NPAS2: variants seen among roughly 807,000 people sequenced by gnomAD.
NPAS2 encodes the protein neuronal PAS domain protein 2, also known as neuronal PAS domain-containing protein 2.
In NPAS2, 23 loss-of-function variants were observed where a neutral mutation model predicts 107.5. That is an observed-to-expected ratio of 0.21 (90% CI 0.15 to 0.30). The LOEUF is 0.30. NPAS2 is among the 10% of genes least tolerant of loss of function. The probability of loss-of-function intolerance (pLI) is 1.00; values close to 1 mark genes in which losing one functional copy is unlikely to be tolerated. For missense variants in NPAS2, 756 were observed against 1,043.3 expected (o/e 0.72, Z 3.79); for synonymous variants, 403 against 417.5 (o/e 0.97, Z 0.42).
intron 1 of NPAS2, among the ~76,000 whole-genome samples, chr2:100,884,952 A>C (rs1680599588): frequency 7.7e-6 from 1 of 129,264 alleles, no homozygotes; most frequent in African/African-American, 2.8e-5. Context: ...ATATATATAT[A>C]ATTTTTTTTT....
chr2:100,841,201 G>A (rs991737622), intron 1 of NPAS2, among the ~76,000 whole-genome samples: 9 of 152,156 alleles, frequency 5.9e-5, no homozygotes, highest in African/African-American at 1.2e-4. Flanking sequence ...TTGGGAGGCC[G>A]AGGCAGGTGG....
chr2:100,964,278 A>ACAACTTCACTGC, intron 8 of NPAS2, 102 bp downstream of exon 8: 2 of 832,584 alleles, frequency 2.4e-6, no homozygotes, highest in Non-Finnish European at 4.1e-6. Context: ...AATTGCAGTG[A>ACAACTTCACTGC]AGTTGTCACT....
chr2:100,839,065 C>T lies in NPAS2; in HGVS notation c.-23+18651C>T, dbSNP rs539392306. On this transcript the variant is annotated intron_variant, in intron 1 of 20. Coordinates refer to ENST00000335681, the MANE Select transcript of NPAS2 (RefSeq NM_002518.4). ...ACAGCAAGACAAACCCCTCCTTTTC[C>T]TCCTCTTCCTCCTTCTTGGCCTACT... Among the ~76,000 whole-genome samples the T allele has an allele frequency of 9.2e-5, 14 of 152,192 alleles. No homozygotes were observed. The South Asian group carries it at 2.9e-3, about 32-fold the overall frequency.
chr2:100,956,166 A>G (rs1366397798), intron 7 of NPAS2, among the ~76,000 whole-genome samples: 1 of 152,160 alleles, frequency 6.6e-6, no homozygotes, highest in Non-Finnish European at 1.5e-5. Flanking sequence ...TTGGCCTCCC[A>G]AAGTGCTGGG....
intron 4 of NPAS2, among the ~76,000 whole-genome samples, chr2:100,935,811 T>C (rs1304770982): frequency 6.6e-6 from 1 of 152,166 alleles, no homozygotes; most frequent in Non-Finnish European, 1.5e-5. Context: ...TTTAGAAAAA[T>C]ACCTGGGAAG....
chr2:100,869,571 C>T (rs1209611795), intron 1 of NPAS2, among the ~76,000 whole-genome samples: 2 of 152,214 alleles, frequency 1.3e-5, no homozygotes, highest in African/African-American at 4.8e-5. Context: ...CAGTTTGGGA[C>T]TAGGACTATT....
intron 4 of NPAS2, chr2:100,934,786 G>A (rs1012705301): frequency 5.1e-6 from 5 of 985,316 alleles, no homozygotes; most frequent in Admixed American, 1.2e-4. Flanking sequence ...CCACGGTGAT[G>A]TCACCATTGT....
intron 1 of NPAS2, among the ~76,000 whole-genome samples, chr2:100,903,656 G>A (rs959344486): frequency 1.3e-5 from 2 of 152,234 alleles, no homozygotes; most frequent in Admixed American, 1.3e-4. Context: ...GTAGAAGCGG[G>A]TGGGCAGTGG....
At chr2:100,936,188 C>T (rs989494269) in intron 4 of NPAS2, among the ~76,000 whole-genome samples, 23 of 152,230 alleles carry the variant, frequency 1.5e-4, no homozygotes, top group Admixed American at 8.5e-4. Flanking sequence ...TTTCCCCTTT[C>T]GGCATGGTAT....
At chr2:100,903,199 G>A (rs1288740857) in intron 1 of NPAS2, among the ~76,000 whole-genome samples, 1 of 152,150 alleles carries the variant, frequency 6.6e-6, no homozygotes, top group Non-Finnish European at 1.5e-5. Flanking sequence ...TCATGCCCTG[G>A]GGCTTTGATC....
chr2:100,865,358 T>C (rs993964602), intron 1 of NPAS2, among the ~76,000 whole-genome samples: 8 of 152,128 alleles, frequency 5.3e-5, no homozygotes, highest in East Asian at 1.9e-4. Context: ...ACCTTCCCTC[T>C]GTACTGGGAA....
At position 100,964,109 on chromosome 2, in the gene NPAS2, G is replaced by A. The variant is rs772273032; in HGVS notation, c.650G>A (p.Arg217Gln). ...GFDNTLSRPCRVPLGKEVCFI... is the reference protein window; with the variant it reads ...GFDNTLSRPCQVPLGKEVCFI... ...GACAACACCCTTTCAAGACCTTGCC[G>A]GGTGCCACTAGGAAAGGAGGTTTGC... Residue 217 changes from arginine (R) to glutamine (Q), a missense_variant, in exon 8 of 21, where the codon CGG becomes CAG. Arg to Gln is a conservative substitution (Grantham distance 43). This residue lies in a region of NPAS2 where 30 missense variants were observed against 23.8 expected (regional missense o/e 1.26). Coordinates refer to ENST00000335681, the MANE Select transcript of NPAS2 (RefSeq NM_002518.4). 4.8e-5 allele frequency: 78 copies of A among 1,613,886 alleles called. No homozygotes were observed. Among genetic ancestry groups the A allele is most frequent in the Admixed American group, 4.2e-4 (25 of 59,992 alleles).
At chr2:100,851,441 C>T (rs764862053) in intron 1 of NPAS2, among the ~76,000 whole-genome samples, 2 of 152,218 alleles carry the variant, frequency 1.3e-5, no homozygotes, top group Non-Finnish European at 2.9e-5. Context: ...CAAGTTCACA[C>T]TCTGAATGCC....
At chr2:100,888,386 G>A (rs984155541) in intron 1 of NPAS2, among the ~76,000 whole-genome samples, 3 of 152,070 alleles carry the variant, frequency 2.0e-5, no homozygotes, top group South Asian at 4.2e-4. Flanking sequence ...CCGTGGGGGC[G>A]GAGGAAGATG....
At chr2:100,993,080 A>G (rs1470066725) in intron 19 of NPAS2, among the ~76,000 whole-genome samples, 1 of 151,786 alleles carries the variant, frequency 6.6e-6, no homozygotes, top group Non-Finnish European at 1.5e-5. Context: ...CAGGTGCCCA[A>G]CATGACACCT....
At chr2:100,890,465 G>A (rs1054648945) in intron 1 of NPAS2, among the ~76,000 whole-genome samples, 5 of 152,074 alleles carry the variant, frequency 3.3e-5, no homozygotes, top group Admixed American at 2.0e-4. Flanking sequence ...GGGGAATCTC[G>A]GGGCAAGGAG....
rs1322123532 is a variant in NPAS2 at position 100,873,339 on chromosome 2, CACAT to C, written c.-22-31392_-22-31389del. ...ACACACACACACACACACACACACA[CACAT>C]ATATACATACACACATATGTGTATA... On this transcript the variant is annotated intron_variant, in intron 1 of 20. Coordinates refer to ENST00000335681, the MANE Select transcript of NPAS2 (RefSeq NM_002518.4). 3.4e-4 allele frequency among the ~76,000 whole-genome samples: 44 copies of C among 127,918 alleles called. 1 individual carries two copies. In the South Asian group the frequency reaches 3.9e-3, roughly 11 times the overall value. The allele number at this position is 127,918 out of a possible 152,430, so 83.9% of individuals were successfully genotyped here.
chr2:100,922,939 C>T (rs1683329852), intron 2 of NPAS2, among the ~76,000 whole-genome samples: 1 of 152,158 alleles, frequency 6.6e-6, no homozygotes, highest in Non-Finnish European at 1.5e-5. Context: ...TATCAGCTCA[C>T]AAATAATTTA....
chr2:100,937,582 G>GT (rs1684406536), intron 4 of NPAS2, among the ~76,000 whole-genome samples, 171 bp from the exon 5 acceptor site: 1 of 152,200 alleles, frequency 6.6e-6, no homozygotes, highest in South Asian at 2.1e-4. Context: ...CACATTTTCT[G>GT]TAAGAAGCTG....
Sources: allele counts gnomAD v4.1 joint callset (sites outside exome capture counted in the v4.1 genomes callset), GRCh38; gene constraint gnomAD v4.1.1; regional missense constraint gnomAD v4.1.1; transcripts MANE v1.5; gene names NCBI Gene and HGNC (gene_info 2026-07-23, HGNC 2026-07-21).